ILRUN: variants seen among roughly 807,000 people sequenced by gnomAD.
The protein encoded by ILRUN is protein ILRUN.
Under a neutral mutation model 33.8 loss-of-function variants are expected in ILRUN, and 3 were observed. The ratio of observed to expected loss-of-function variants is 0.09; its 90% confidence interval spans 0.04 to 0.23. The LOEUF is 0.23. Ranked by LOEUF, ILRUN falls within the 10% of genes least tolerant of loss-of-function variation. ILRUN has a pLI of 1.00. For missense variants in ILRUN, 210 were observed against 375.1 expected, an observed-to-expected ratio of 0.56 and a Z score of 3.64; for synonymous variants, 124 against 138.9, an observed-to-expected ratio of 0.89 and a Z score of 0.75.
chr6:34,679,057 CG>C (rs1386389255), intron 1 of ILRUN, among the ~76,000 whole-genome samples: 1 of 150,328 alleles, frequency 6.7e-6, no homozygotes, highest in African/African-American at 2.5e-5. Flanking sequence ...ATTACCTTGG[CG>C]ACAATCTGTA....
At chr6:34,666,486 G>C (rs2815000) in intron 1 of ILRUN, among the ~76,000 whole-genome samples, 1 of 151,922 alleles carries the variant, frequency 6.6e-6, no homozygotes, top group African/African-American at 2.4e-5. Context: ...GCTTGAACCC[G>C]GGAGGCAGAG....
rs763755029 is a variant in ILRUN at position 34,646,839 on chromosome 6, G to A, written c.314-41C>T. 6.3e-7 allele frequency: 1 copy of A among 1,577,926 alleles called. No individual in the cohort carries two copies. Among genetic ancestry groups the A allele is most frequent in the East Asian group, 2.2e-5 (1 of 44,746 alleles). On this transcript the variant is annotated intron_variant, in intron 2 of 4. Coordinates refer to ENST00000374023, the MANE Select transcript of ILRUN (RefSeq NM_024294.4). This position sits in a 1 kb window ranked among gnomAD's most constrained non-coding sequence, Gnocchi z 4.9. ...AGAAAAAAATGTTAGGCAATCAATG[G>A]TCCTATGCTGGGTGCAGTTTATTAT...
At chr6:34,658,502 T>C (rs1017021021) in intron 1 of ILRUN, among the ~76,000 whole-genome samples, 4 of 150,900 alleles carry the variant, frequency 2.7e-5, no homozygotes, top group Non-Finnish European at 4.4e-5. Context: ...TTTTTTTTTT[T>C]TTTTTTAAGA....
At chr6:34,651,627 C>T (rs931956293) in intron 2 of ILRUN, among the ~76,000 whole-genome samples, 1 of 151,776 alleles carries the variant, frequency 6.6e-6, no homozygotes, top group Non-Finnish European at 1.5e-5. Context: ...GAAAGCCAGG[C>T]CATTTTCATT....
chr6:34,652,899 T>C (rs1485753101), intron 2 of ILRUN, among the ~76,000 whole-genome samples: 5 of 152,112 alleles, frequency 3.3e-5, no homozygotes, highest in Non-Finnish European at 5.9e-5. Flanking sequence ...TTCATGCCTG[T>C]AATCCCAGCA....
intron 1 of ILRUN, among the ~76,000 whole-genome samples, chr6:34,672,427 C>T (rs977467551): frequency 1.3e-5 from 2 of 151,912 alleles, no homozygotes; most frequent in Admixed American, 6.6e-5. Flanking sequence ...AATAGGAGTA[C>T]GTAGTGGGCC....
chr6:34,675,035 C>T (rs1435427022), intron 1 of ILRUN, among the ~76,000 whole-genome samples: 1 of 152,200 alleles, frequency 6.6e-6, no homozygotes, highest in Non-Finnish European at 1.5e-5. Context: ...AATCCCAGCA[C>T]TTTCGGAGGC....
chr6:34,689,488 T>C (rs896692659), intron 1 of ILRUN, among the ~76,000 whole-genome samples: 14 of 152,326 alleles, frequency 9.2e-5, no homozygotes, highest in African/African-American at 2.9e-4. Flanking sequence ...TAATACTCTA[T>C]CACTGTTATG....
At chr6:34,622,237 A>G (rs917007498) in intron 3 of ILRUN, among the ~76,000 whole-genome samples, 20 of 152,104 alleles carry the variant, frequency 1.3e-4, no homozygotes, top group African/African-American at 4.3e-4. Context: ...AGACATCAAA[A>G]TTAAAAACTG....
At chr6:34,656,570 AT>A (rs535262772) in intron 1 of ILRUN, among the ~76,000 whole-genome samples, 1 of 152,262 alleles carries the variant, frequency 6.6e-6, no homozygotes, top group Non-Finnish European at 1.5e-5. Flanking sequence ...TCCAAACTGC[AT>A]GTTTCTAAAC....
rs555915814 is a variant in ILRUN, at chr6:34,695,576, T to C, written c.158+870A>G. 9.2e-5 allele frequency among the ~76,000 whole-genome samples: 14 copies of C among 152,314 alleles called. No homozygotes were observed. In the South Asian group the frequency reaches 1.4e-3, roughly 16 times the overall value. On this transcript the variant is annotated intron_variant, in intron 1 of 4. Transcript: ENST00000374023. ...CTTGGCTCCCAGCCTAAGTTCTCCATTTTCCCAAACATCTGTCAACTTAGC... is the reference window on the plus strand; with the variant it reads ...CTTGGCTCCCAGCCTAAGTTCTCCACTTTCCCAAACATCTGTCAACTTAGC...
intron 3 of ILRUN, among the ~76,000 whole-genome samples, chr6:34,640,087 T>C (rs1762439278): frequency 6.6e-6 from 1 of 151,976 alleles, no homozygotes; most frequent in African/African-American, 2.4e-5. Flanking sequence ...GGCTTGAAAA[T>C]AAATCTGTCA....
At chr6:34,636,245 T>C (rs1762365686) in intron 3 of ILRUN, among the ~76,000 whole-genome samples, 1 of 151,974 alleles carries the variant, frequency 6.6e-6, no homozygotes, top group Admixed American at 6.6e-5. Context: ...ACACTCTATA[T>C]CAAAATAAAT....
At chr6:34,683,135 C>T (rs1350275486) in intron 1 of ILRUN, among the ~76,000 whole-genome samples, 1 of 147,128 alleles carries the variant, frequency 6.8e-6, no homozygotes, top group African/African-American at 2.5e-5. Flanking sequence ...TATATATACA[C>T]ACACACACAT....
At chr6:34,665,649 G>A (rs149990294) in intron 1 of ILRUN, among the ~76,000 whole-genome samples, 17 of 151,920 alleles carry the variant, frequency 1.1e-4, no homozygotes, top group South Asian at 6.2e-4. Context: ...GGCTGGTTTC[G>A]AACTCCTGGC....
chr6:34,668,041 C>A (rs1562025436), intron 1 of ILRUN, among the ~76,000 whole-genome samples: 1 of 152,134 alleles, frequency 6.6e-6, no homozygotes, highest in Admixed American at 6.5e-5. Flanking sequence ...GAATGATGCT[C>A]TTGTTCTCCC....
At chr6:34,660,138 C>CA (rs35747437) in intron 1 of ILRUN, among the ~76,000 whole-genome samples, 35,041 of 132,254 alleles carry the variant, frequency 0.26, 5,094 homozygotes, top group East Asian at 0.45. Flanking sequence ...CTCATCCCTT[C>CA]AAAAAAAAAA....
rs1761266035 is a variant in ILRUN at position 34,590,055 on chromosome 6, G to A, written c.*510C>T. ...AGATGTACTCCTGTAGCACTGATCC[G>A]CAGAGTCCTCAAACATGCCACGCCA... is the stretch of plus-strand genomic sequence containing the variant. On this transcript the variant is annotated 3_prime_UTR_variant, in exon 5 of 5. Transcript: ENST00000374023. The A allele has an allele frequency of 2.6e-5, 4 of 156,482 alleles. No homozygotes were observed. Among genetic ancestry groups the A allele is most frequent in the Admixed American group, 1.2e-4 (2 of 16,286 alleles). 9.7% of individuals were successfully genotyped at this position (156,482 alleles called of 1,614,324 possible).
chr6:34,673,832 TACACACACACAC>T (rs71000079), intron 1 of ILRUN, among the ~76,000 whole-genome samples: 7 of 111,204 alleles, frequency 6.3e-5, no homozygotes, highest in Non-Finnish European at 1.1e-4. Flanking sequence ...AACAACCACA[TACACACACACAC>T]ACACACACAC....
Sources: allele counts gnomAD v4.1 joint callset (sites outside exome capture counted in the v4.1 genomes callset), GRCh38; gene constraint gnomAD v4.1.1; non-coding constraint Gnocchi (gnomAD v3.1); transcripts MANE v1.5; gene names NCBI Gene and HGNC (gene_info 2026-07-23, HGNC 2026-07-21).